Variants in SETDB1 observed in about 807,000 individuals in gnomAD.
The protein encoded by SETDB1 is SET domain bifurcated histone lysine methyltransferase 1.
SETDB1 carries 31 observed loss-of-function variants against 137.4 expected under a neutral mutation model. That is an observed-to-expected ratio of 0.23 (90% confidence interval 0.17 to 0.30). The LOEUF (loss-of-function observed/expected upper bound fraction) is 0.30, where lower values mean the gene tolerates loss of function less well. Among genes scored for constraint, SETDB1 ranks in the 10% least tolerant of loss-of-function variants. The pLI, the probability that SETDB1 is intolerant of heterozygous loss-of-function variation, is 1.00. For synonymous variants in SETDB1, 548 were observed against 579.9 expected, an observed-to-expected ratio of 0.95 and a Z score of 0.79; for missense variants, 1,113 against 1,631.5, an observed-to-expected ratio of 0.68 and a Z score of 5.47.
chr1:150,949,176 C>T lies in SETDB1; in HGVS notation c.1322C>T (p.Thr441Ile), dbSNP rs1670421900. 6.2e-7 allele frequency: 1 copy of T among 1,614,076 alleles called. No individual in the cohort carries two copies. The highest frequency in any genetic ancestry group is 8.5e-7 in the Non-Finnish European group (1 of 1,180,004). ...VVQYTQDLTG[T>I]GTQFKPVEPP... ...CAGTACACACAGGATCTGACCGGTA[C>T]TGGAACCCAGTTCAAGCCAGTGGAA... The change falls in exon 11 of 22, where the codon ACT becomes ATT. Residue 441 changes from threonine (T) to isoleucine (I), a missense_variant. Physicochemically the swap from Thr to Ile is moderately conservative, Grantham distance 89 (BLOSUM62 -1). Transcript: ENST00000692827.
intron 13 of SETDB1, 41 bp from the exon 14 acceptor site, chr1:150,951,324 G>T: frequency 7.0e-7 from 1 of 1,419,752 alleles, no homozygotes; most frequent in South Asian, 1.2e-5. Flanking sequence ...TTTGTTCTCT[G>T]ATCCCCCCGC....
chr1:150,938,996 TGGTG>T (rs1183897716), intron 3 of SETDB1, among the ~76,000 whole-genome samples: 2 of 152,190 alleles, frequency 1.3e-5, no homozygotes, highest in East Asian at 3.9e-4. Flanking sequence ...TGGAGTGCAA[TGGTG>T]CAGTCTTGGC....
intron 2 of SETDB1, 69 bp from the exon 3 acceptor site, chr1:150,929,898 C>T (rs1396663256): frequency 2.0e-5 from 26 of 1,288,050 alleles, no homozygotes; most frequent in East Asian, 4.6e-5. Flanking sequence ...ATATATACAT[C>T]GTAATGGATT....
At chr1:150,939,454 A>G (rs1670062730) in intron 3 of SETDB1, among the ~76,000 whole-genome samples, 1 of 151,928 alleles carries the variant, frequency 6.6e-6, no homozygotes, top group African/African-American at 2.4e-5. Flanking sequence ...CTTCCCAAGT[A>G]GCTGGGATTA....
chr1:150,959,780 G>C (rs1036571520), intron 15 of SETDB1, among the ~76,000 whole-genome samples: 2 of 152,150 alleles, frequency 1.3e-5, no homozygotes, highest in African/African-American at 4.8e-5. Flanking sequence ...TATTATCAAA[G>C]AGAAACACTG....
intron 18 of SETDB1, 40 bp from the exon 19 acceptor site, chr1:150,962,934 C>T (rs1670868345): frequency 2.5e-6 from 4 of 1,601,216 alleles, no homozygotes; most frequent in African/African-American, 2.7e-5. Flanking sequence ...GGAGCCCTTC[C>T]CATTTACTTC....
At chr1:150,933,886 C>T (rs1439107793) in intron 3 of SETDB1, among the ~76,000 whole-genome samples, 4 of 147,934 alleles carry the variant, frequency 2.7e-5, no homozygotes, top group African/African-American at 5.1e-5. Context: ...TGGGTTCAAG[C>T]GATTCTCCTG....
chr1:150,962,100 G>A (rs752445855), intron 16 of SETDB1, 30 bp from the exon 17 acceptor site: 2 of 1,613,910 alleles, frequency 1.2e-6, no homozygotes, highest in Admixed American at 1.7e-5. Context: ...GGCTGTGAAA[G>A]CATTTAACCC....
intron 3 of SETDB1, among the ~76,000 whole-genome samples, chr1:150,930,995 C>T (rs1368908395): frequency 2.6e-5 from 4 of 152,086 alleles, no homozygotes; most frequent in Admixed American, 2.0e-4. Flanking sequence ...TACAGTGGCT[C>T]ATACCTGTAA....
chr1:150,940,063 C>A, intron 4 of SETDB1, 89 bp downstream of exon 4: 1 of 883,058 alleles, frequency 1.1e-6, no homozygotes, highest in South Asian at 1.5e-5. Context: ...GTTTAGCTGT[C>A]AGTATCTAAT....
chr1:150,947,675 T>C lies in SETDB1; in HGVS notation c.1267+663T>C, dbSNP rs138030133. Among the ~76,000 whole-genome samples, 163 of 152,090 alleles carry C rather than the reference T, an allele frequency of 1.1e-3. 2 individuals are homozygous for C. Among genetic ancestry groups the C allele is most frequent in the Non-Finnish European group, 2.4e-4 (16 of 67,970 alleles). ...GCTGTAGTCCAGGCTACTCAAGAAG[T>C]TGAGGTGGGAGGATCAATTGAAGCC... On this transcript the variant is annotated intron_variant, in intron 10 of 21. Transcript: ENST00000692827.
chr1:150,955,023 G>C (rs1379765325), intron 14 of SETDB1, among the ~76,000 whole-genome samples: 1 of 152,220 alleles, frequency 6.6e-6, no homozygotes, highest in Non-Finnish European at 1.5e-5. Context: ...TGGTTTAACA[G>C]AAAACCTGAG....
Position 150,964,099 on chromosome 1 carries a change from A to AG in SETDB1, c.3761+20dup, listed in dbSNP as rs772479541. On this transcript the variant is annotated intron_variant, in intron 21 of 21. Transcript: ENST00000692827. Reference sequence around the variant, plus strand: ...TTGCCAGCAAGTAAGGAGTCAGGAAAGGGGATGACTGGGGAGGGGCAAGGA... The same window carrying AG: ...TTGCCAGCAAGTAAGGAGTCAGGAAAGGGGGATGACTGGGGAGGGGCAAGGA... 5.0e-6 allele frequency: 8 copies of AG among 1,607,742 alleles called. No homozygotes were observed. The South Asian group carries it at 8.8e-5, about 18-fold the overall frequency.
intron 14 of SETDB1, among the ~76,000 whole-genome samples, chr1:150,958,254 C>CTTTTTT (rs374122454): frequency 8.5e-5 from 8 of 94,080 alleles, no homozygotes; most frequent in South Asian, 3.5e-4. Flanking sequence ...TTTCTTTTTT[C>CTTTTTT]TTTTTTTTTT....
intron 4 of SETDB1, 45 bp downstream of exon 4, chr1:150,940,019 A>G: frequency 6.6e-7 from 1 of 1,521,466 alleles, no homozygotes; most frequent in Non-Finnish European, 9.1e-7. Flanking sequence ...AGAATATGAA[A>G]ATAGGAGAAT....
chr1:150,931,103 T>TA (rs1189543249), intron 3 of SETDB1, among the ~76,000 whole-genome samples: 1 of 150,316 alleles, frequency 6.7e-6, no homozygotes, highest in Non-Finnish European at 1.5e-5. Context: ...CTACTAAAAA[T>TA]AAAAAAATTA....
At position 150,964,386 on chromosome 1, in the gene SETDB1, C is replaced by T. The variant is rs1330520732; in HGVS notation, c.*22C>T. 1 of 1,548,046 alleles carries T rather than the reference C, an allele frequency of 6.5e-7. No homozygotes were observed. Among genetic ancestry groups the T allele is most frequent in the East Asian group, 2.2e-5 (1 of 44,474 alleles). Reference sequence around the variant, plus strand: ...TTAGAGGACAGCCTTCTTCCCAACCCTTCTTGAACTGTCGTTTCCTCAGGA... The same window carrying T: ...TTAGAGGACAGCCTTCTTCCCAACCTTTCTTGAACTGTCGTTTCCTCAGGA... On this transcript the variant is annotated 3_prime_UTR_variant, in exon 22 of 22. Coordinates refer to ENST00000692827, the MANE Select transcript of SETDB1 (RefSeq NM_001366418.1).
At position 150,963,599 on chromosome 1, in the gene SETDB1, C is replaced by T; in HGVS notation, c.3530C>T (p.Ala1177Val). The change falls in exon 20 of 22, where the codon GCA becomes GTA. Residue 1177 changes from alanine (A) to valine (V), a missense_variant. By Grantham distance (64) the Ala-to-Val change is moderately conservative. Transcript: ENST00000692827. ...GCTCTTAAATCAACCCATGGGATTG[C>T]AATTAAATCAACCAACATGGCCTCT... ...GFALKSTHGI[A>V]IKSTNMASVD... is the part of the protein sequence containing the mutation. 2.5e-6 allele frequency: 4 copies of T among 1,614,072 alleles called. No individual in the cohort carries two copies. The highest frequency in any genetic ancestry group is 3.4e-6 in the Non-Finnish European group (4 of 1,179,948).
In SETDB1 at chr1:150,959,249, T is replaced by G; in HGVS notation, c.2405T>G (p.Leu802Arg). The change falls in exon 15 of 22, where the codon CTA (leucine) becomes CGA (arginine). Residue 802 changes from leucine (L) to arginine (R), a missense_variant. Leu to Arg is a moderately radical substitution (Grantham distance 102). Around this residue, in one of 11 missense-constraint regions of SETDB1, gnomAD observed 25 missense variants for 102.1 expected, o/e 0.24. Transcript: ENST00000692827. Reference protein sequence around the residue: ...MCTNRLVQHGLQVRLQLFKTQ... With the variant: ...MCTNRLVQHGRQVRLQLFKTQ... ...ACAAACCGGTTGGTGCAACATGGAC[T>G]ACAAGTTCGGCTACAGCTATTCAAG... is the stretch of plus-strand genomic sequence containing the variant. 6.2e-7 allele frequency: 1 copy of G among 1,609,610 alleles called. No homozygotes were observed. The highest frequency in any genetic ancestry group is 8.5e-7 in the Non-Finnish European group (1 of 1,178,646).
Sources: gnomAD v4.1 joint callset for allele counts (sites outside exome capture counted in the v4.1 genomes callset) on GRCh38, gnomAD v4.1.1 for gene constraint, gnomAD v4.1.1 regional missense constraint, MANE v1.5 for transcripts, NCBI Gene and HGNC (gene_info 2026-07-23, HGNC 2026-07-21) for gene names.